KCNMB4: variants seen among roughly 807,000 people sequenced by gnomAD.
KCNMB4 encodes the protein potassium calcium-activated channel subfamily M regulatory beta subunit 4, also known as calcium-activated potassium channel subunit beta-4.
KCNMB4 carries 3 observed loss-of-function variants against 20.7 expected under a neutral mutation model. The observed-to-expected ratio is 0.14, with a 90% confidence interval of 0.07 to 0.37. The LOEUF (loss-of-function observed/expected upper bound fraction) is 0.37. Among genes scored for constraint, KCNMB4 ranks in the 10% least tolerant of loss-of-function variants. The probability of loss-of-function intolerance (pLI) is 1.00; values close to 1 mark genes in which losing one functional copy is unlikely to be tolerated. For missense variants in KCNMB4, 168 were observed against 265.9 expected, an observed-to-expected ratio of 0.63 and a Z score of 2.56; for synonymous variants, 110 against 113.4, an observed-to-expected ratio of 0.97 and a Z score of 0.19.
chr12:70,396,808 C>T (rs1227175107), intron 1 of KCNMB4, among the ~76,000 whole-genome samples: 1 of 152,138 alleles, frequency 6.6e-6, no homozygotes, highest in Non-Finnish European at 1.5e-5. Flanking sequence ...TATGAAGCCT[C>T]GAAAACCACC....
chr12:70,382,460 TAAA>T (rs1883806993), intron 1 of KCNMB4, among the ~76,000 whole-genome samples: 1 of 138,874 alleles, frequency 7.2e-6, no homozygotes, highest in South Asian at 2.2e-4. Context: ...AAAAAAAATT[TAAA>T]GGTACAAAAA....
chr12:70,378,300 A>T (rs535364704), intron 1 of KCNMB4, among the ~76,000 whole-genome samples: 3 of 152,082 alleles, frequency 2.0e-5, no homozygotes, highest in Non-Finnish European at 2.9e-5. Flanking sequence ...TTTCTACCAC[A>T]TCTGTAGTTA....
chr12:70,404,164 C>T (rs999202964), intron 2 of KCNMB4, among the ~76,000 whole-genome samples: 19 of 151,978 alleles, frequency 1.3e-4, no homozygotes, highest in African/African-American at 4.3e-4. Context: ...AGAAAGGTAG[C>T]TTGGGGTTAG....
At chr12:70,412,437 A>G (rs571101337) in intron 2 of KCNMB4, among the ~76,000 whole-genome samples, 7 of 152,318 alleles carry the variant, frequency 4.6e-5, no homozygotes, top group Admixed American at 3.9e-4. Flanking sequence ...GTGACAGACA[A>G]CACTTACATG....
At position 70,430,658 on chromosome 12, in the gene KCNMB4, G is replaced by A. The variant is rs866509936; in HGVS notation, c.*5G>A. On this transcript the variant is annotated 3_prime_UTR_variant, in exon 3 of 3. Coordinates refer to ENST00000258111, the MANE Select transcript of KCNMB4 (RefSeq NM_014505.6). ...AAGAAGCGCAAGTTCTCTTAAAGGG[G>A]AAGGAGGCTTGTAGAAAGCAAAGTA... is the stretch of plus-strand genomic sequence containing the variant. The A allele has an allele frequency of 1.9e-6, 3 of 1,603,210 alleles. No homozygotes were observed. The highest frequency in any genetic ancestry group is 2.5e-6 in the Non-Finnish European group (3 of 1,177,074).
intron 1 of KCNMB4, among the ~76,000 whole-genome samples, chr12:70,376,746 C>G (rs1200989692): frequency 6.6e-6 from 1 of 151,040 alleles, no homozygotes; most frequent in Admixed American, 6.6e-5. Context: ...ATGGCACGTG[C>G]CTGTAGTCCC....
At chr12:70,376,849 G>A (rs1368186457) in intron 1 of KCNMB4, among the ~76,000 whole-genome samples, 3 of 150,294 alleles carry the variant, frequency 2.0e-5, no homozygotes, top group African/African-American at 7.4e-5. Context: ...TCCAGCCTGG[G>A]CAACAGAGTG....
At chr12:70,420,798 C>T (rs1869029658) in intron 2 of KCNMB4, among the ~76,000 whole-genome samples, 1 of 152,144 alleles carries the variant, frequency 6.6e-6, no homozygotes, top group South Asian at 2.1e-4. Flanking sequence ...GTGGCTCACA[C>T]CTGTAATCCC....
intron 2 of KCNMB4, among the ~76,000 whole-genome samples, chr12:70,421,319 T>C (rs1165496522): frequency 1.3e-5 from 2 of 150,984 alleles, no homozygotes; most frequent in Non-Finnish European, 3.0e-5. Flanking sequence ...AATGAGATCC[T>C]GTCTCTACAA....
At chr12:70,375,098 C>T (rs1019637947) in intron 1 of KCNMB4, among the ~76,000 whole-genome samples, 1 of 152,158 alleles carries the variant, frequency 6.6e-6, no homozygotes, top group African/African-American at 2.4e-5. Flanking sequence ...AAATTCATCA[C>T]TATTTCTCCC....
At chr12:70,404,763 C>G (rs1868549243) in intron 2 of KCNMB4, among the ~76,000 whole-genome samples, 1 of 152,142 alleles carries the variant, frequency 6.6e-6, no homozygotes, top group Non-Finnish European at 1.5e-5. Flanking sequence ...TCTGAGTATG[C>G]TGAATTTGAG....
intron 2 of KCNMB4, among the ~76,000 whole-genome samples, chr12:70,417,398 A>T (rs1489838567): frequency 6.6e-6 from 1 of 152,206 alleles, no homozygotes; most frequent in Non-Finnish European, 1.5e-5. Flanking sequence ...CAAAGCACCT[A>T]AACAGGGATG....
rs140523280 is a variant in KCNMB4 at position 70,383,432 on chromosome 12, G to A, written c.336+16362G>A. Among the ~76,000 whole-genome samples, 391 of 152,280 alleles carry A rather than the reference G, an allele frequency of 2.6e-3. 2 individuals carry two copies. The highest frequency in any genetic ancestry group is 9.1e-3 in the African/African-American group (377 of 41,546). ...CTGCTGGTGGCAACATGTTGCAGGA[G>A]CAATTGCATGTCAACTTGGAAATAC... On this transcript the variant is annotated intron_variant, in intron 1 of 2. Transcript: ENST00000258111.
intron 1 of KCNMB4, among the ~76,000 whole-genome samples, chr12:70,376,605 C>T (rs773825590): frequency 3.9e-5 from 6 of 151,932 alleles, no homozygotes; most frequent in African/African-American, 1.5e-4. Context: ...TGATGTCTCA[C>T]GCCTGTAATC....
chr12:70,390,538 G>T (rs76056566), intron 1 of KCNMB4, among the ~76,000 whole-genome samples: 1 of 152,024 alleles, frequency 6.6e-6, no homozygotes, highest in Non-Finnish European at 1.5e-5. Flanking sequence ...CCATATATCC[G>T]CTGATCTGTC....
chr12:70,433,854 GC>G lies in KCNMB4; in HGVS notation c.*3205del, dbSNP rs1268921351. On this transcript the variant is annotated 3_prime_UTR_variant, in exon 3 of 3. Transcript: ENST00000258111. ...AAAGTCTTGCTCGTCAGCTTCTGTG[GC>G]CCCGTCTGAAACTTTTGAGGGACAT... is the stretch of plus-strand genomic sequence containing the variant. The G allele has an allele frequency of 6.6e-6, 1 of 152,256 alleles. No homozygotes were observed. The highest frequency in any genetic ancestry group is 2.4e-5 in the African/African-American group (1 of 41,458). The allele number at this position is 152,256 out of a possible 1,614,324, so 9.4% of individuals were successfully genotyped here.
intron 1 of KCNMB4, among the ~76,000 whole-genome samples, chr12:70,376,871 CAAAA>C (rs57274414): frequency 7.9e-6 from 1 of 126,910 alleles, no homozygotes; most frequent in Non-Finnish European, 1.7e-5. Context: ...GACCTTGTCT[CAAAA>C]AAAAAAAAAG....
chr12:70,385,171 T>C (rs77082716), intron 1 of KCNMB4, among the ~76,000 whole-genome samples: 35,667 of 152,070 alleles, frequency 0.23, 4,631 homozygotes, highest in East Asian at 0.5. Context: ...AACTTCAGAA[T>C]TGTTAGTTCA....
chr12:70,399,001 A>G (rs886402399), intron 1 of KCNMB4, among the ~76,000 whole-genome samples: 5 of 152,226 alleles, frequency 3.3e-5, no homozygotes, highest in Non-Finnish European at 1.5e-5. Context: ...AAAGGGCATT[A>G]AAAGGAGAGA....
Sources: gnomAD v4.1 joint callset for allele counts (sites outside exome capture counted in the v4.1 genomes callset) on GRCh38, gnomAD v4.1.1 for gene constraint, MANE v1.5 for transcripts, NCBI Gene and HGNC (gene_info 2026-07-23, HGNC 2026-07-21) for gene names.